FAM118B: variants seen among roughly 807,000 people sequenced by gnomAD.
The protein encoded by FAM118B is protein FAM118B.
In FAM118B, 24 loss-of-function variants were observed where a neutral mutation model predicts 38.5. That is an observed-to-expected ratio of 0.62 (90% CI 0.45 to 0.88). FAM118B has a LOEUF of 0.88. Ranked by LOEUF, FAM118B falls within the 40% of genes least tolerant of loss-of-function variation. The pLI, the probability that FAM118B is intolerant of heterozygous loss-of-function variation, is 0.00. For missense variants in FAM118B, 334 were observed against 420.0 expected (o/e 0.80, Z 1.79); for synonymous variants, 138 against 156.3 (o/e 0.88, Z 0.87).
chr11:126,256,986 C>G lies in FAM118B; in HGVS notation c.982+134C>G, dbSNP rs577322796. 10 of 890,110 alleles carry G rather than the reference C, an allele frequency of 1.1e-5. No individual in the cohort carries two copies. Among genetic ancestry groups the G allele is most frequent in the Non-Finnish European group, 1.7e-5 (10 of 580,868 alleles). 55.1% of individuals were successfully genotyped at this position (890,110 alleles called of 1,614,324 possible). ...ACTGACCAAATTGTAAAGGAGGCCA[C>G]AGTCTTCAGGTTAGACTAAAGTGCC... On this transcript the variant is annotated intron_variant, in intron 7 of 8. Transcript: ENST00000533050. This position sits in a 1 kb window ranked among gnomAD's most constrained non-coding sequence, Gnocchi z 6.6.
intron 1 of FAM118B, among the ~76,000 whole-genome samples, chr11:126,216,145 G>A (rs188341501): frequency 6.6e-6 from 1 of 152,314 alleles, no homozygotes; most frequent in Admixed American, 6.5e-5. Flanking sequence ...GGAGGCTGAG[G>A]CAGGTGGATT....
intron 2 of FAM118B, among the ~76,000 whole-genome samples, chr11:126,230,496 A>C (rs1011655646): frequency 6.6e-6 from 1 of 152,222 alleles, no homozygotes; most frequent in Non-Finnish European, 1.5e-5. Flanking sequence ...ACCATTCTTT[A>C]TTCCAGTCAC....
Position 126,252,968 on chromosome 11 carries a change from G to A in FAM118B, c.568-1337G>A, listed in dbSNP as rs1950525875. Among the ~76,000 whole-genome samples the A allele has an allele frequency of 6.6e-6, 1 of 152,200 alleles. No homozygotes were observed. Among genetic ancestry groups the A allele is most frequent in the South Asian group, 2.1e-4 (1 of 4,828 alleles). The stretch of plus-strand genomic sequence containing the variant: ...GAGAATCATTTGAACCCAGGAGGCA[G>A]AGGTTTCAGTGAGCCAAGATTGCGC... On this transcript the variant is annotated intron_variant, in intron 5 of 8. Coordinates refer to ENST00000533050, the MANE Select transcript of FAM118B (RefSeq NM_024556.4). The surrounding 1 kb of genome is among the most constrained non-coding windows in gnomAD (Gnocchi z 4.7).
chr11:126,250,177 C>T lies in FAM118B; in HGVS notation c.340-329C>T, dbSNP rs183249590. On this transcript the variant is annotated intron_variant, in intron 4 of 8. Coordinates refer to ENST00000533050, the MANE Select transcript of FAM118B (RefSeq NM_024556.4). This position sits in a 1 kb window ranked among gnomAD's most constrained non-coding sequence, Gnocchi z 5.1. ...CGCGATCTCGGCTCACTGCAAGCTCCGCCTCCTGGGTTCACACCATTCTCC... is the reference window on the plus strand; with the variant it reads ...CGCGATCTCGGCTCACTGCAAGCTCTGCCTCCTGGGTTCACACCATTCTCC... Among the ~76,000 whole-genome samples, 683 of 151,708 alleles carry T rather than the reference C, an allele frequency of 4.5e-3. 2 individuals carry two copies. Among genetic ancestry groups the T allele is most frequent in the Non-Finnish European group, 7.1e-3 (483 of 67,946 alleles).
rs548453102 is a variant in FAM118B, at chr11:126,236,873, G to A, written c.86+1786G>A. ...TATTTTTGATTTATGAAGTCTTTTTGTTTGTTCATTTTTTCATAGCACTCT... is the reference window on the plus strand; with the variant it reads ...TATTTTTGATTTATGAAGTCTTTTTATTTGTTCATTTTTTCATAGCACTCT... On this transcript the variant is annotated intron_variant, in intron 3 of 8. Transcript: ENST00000533050. Among the ~76,000 whole-genome samples, 6 of 107,230 alleles carry A rather than the reference G, an allele frequency of 5.6e-5. No individual in the cohort carries two copies. In the South Asian group the frequency reaches 1.8e-3, roughly 32 times the overall value. The allele number at this position is 107,230 out of a possible 152,430, so 70.3% of individuals were successfully genotyped here.
Position 126,262,336 on chromosome 11 carries a change from AG to A in FAM118B, c.*204del. 2.2e-6 allele frequency: 1 copy of A among 450,126 alleles called. No homozygotes were observed. Among genetic ancestry groups the A allele is most frequent in the Non-Finnish European group, 4.1e-6 (1 of 244,770 alleles). The allele number at this position is 450,126 out of a possible 1,614,324, so 27.9% of individuals were successfully genotyped here. A position where few individuals can be genotyped will look rare whatever the true frequency, so the allele number is the denominator to read the frequency against. ...TTCTTGATATTCTGCCGCCTGTTCA[AG>A]TTCAAGAATAAAAGCGACAGCAGGA... On this transcript the variant is annotated 3_prime_UTR_variant, in exon 9 of 9. Coordinates refer to ENST00000533050, the MANE Select transcript of FAM118B (RefSeq NM_024556.4).
intron 3 of FAM118B, among the ~76,000 whole-genome samples, chr11:126,240,275 CT>C (rs199839025): frequency 2.6e-3 from 357 of 136,084 alleles, no homozygotes; most frequent in African/African-American, 2.9e-3. Context: ...CTTTTTTTTT[CT>C]TTTTTTTTTT....
intron 4 of FAM118B, among the ~76,000 whole-genome samples, chr11:126,245,773 G>A (rs1950411542): frequency 1.3e-5 from 2 of 152,108 alleles, no homozygotes; most frequent in South Asian, 4.1e-4. Flanking sequence ...AAGGCAGGCG[G>A]ATCACCTGAG....
chr11:126,235,429 G>A (rs1950259954), intron 3 of FAM118B, among the ~76,000 whole-genome samples: 1 of 152,008 alleles, frequency 6.6e-6, no homozygotes, highest in Non-Finnish European at 1.5e-5. Flanking sequence ...GGAATATAAG[G>A]ACTGCTTTGC....
intron 3 of FAM118B, among the ~76,000 whole-genome samples, chr11:126,237,672 G>T: frequency 1.1e-5 from 1 of 88,650 alleles, no homozygotes; most frequent in Admixed American, 1.5e-4. Context: ...GTGAAACCCT[G>T]TCTCTACTAA....
chr11:126,238,728 C>G (rs1950314251), intron 3 of FAM118B, among the ~76,000 whole-genome samples: 1 of 152,132 alleles, frequency 6.6e-6, no homozygotes, highest in African/African-American at 2.4e-5. Flanking sequence ...ATTTTAGCCC[C>G]ACCAGCCCCT....
intron 1 of FAM118B, among the ~76,000 whole-genome samples, chr11:126,215,752 T>A (rs551837746): frequency 6.9e-6 from 1 of 145,402 alleles, no homozygotes; most frequent in Non-Finnish European, 1.5e-5. Context: ...GGCTCACACC[T>A]TAATCCCAGC....
rs374819671 is a variant in FAM118B at position 126,244,790 on chromosome 11, C to T, written c.339+3746C>T. Among the ~76,000 whole-genome samples, 110 of 151,222 alleles carry T rather than the reference C, an allele frequency of 7.3e-4. No homozygotes were observed. The highest frequency in any genetic ancestry group is 2.5e-3 in the African/African-American group (104 of 41,202). ...TGCACTCCAGCCTGGGCAACAAGAG[C>T]GAAACTCCATCTCAAAAAATAAATA... On this transcript the variant is annotated intron_variant, in intron 4 of 8. Transcript: ENST00000533050. This position sits in a 1 kb window ranked among gnomAD's most constrained non-coding sequence, Gnocchi z 4.5.
intron 1 of FAM118B, among the ~76,000 whole-genome samples, chr11:126,215,834 C>A (rs1490243585): frequency 6.6e-6 from 1 of 151,630 alleles, no homozygotes; most frequent in Non-Finnish European, 1.5e-5. Context: ...CATAGCAAGA[C>A]CTCGTCTCTA....
intron 1 of FAM118B, among the ~76,000 whole-genome samples, chr11:126,220,724 C>T (rs1213643456): frequency 6.6e-6 from 1 of 152,078 alleles, no homozygotes; most frequent in East Asian, 1.9e-4. Flanking sequence ...ACTGATGCTA[C>T]CTGCTTGGCA....
chr11:126,236,319 T>TA (rs1950274158), intron 3 of FAM118B, among the ~76,000 whole-genome samples: 2 of 152,346 alleles, frequency 1.3e-5, no homozygotes, highest in South Asian at 2.1e-4. Context: ...ATCATACACT[T>TA]ACATTCATTT....
intron 6 of FAM118B, among the ~76,000 whole-genome samples, chr11:126,254,773 C>G (rs1950550908): frequency 6.6e-6 from 1 of 152,172 alleles, no homozygotes; most frequent in Non-Finnish European, 1.5e-5. Flanking sequence ...CTGTAGTGAG[C>G]TGTGTCTAGA....
intron 8 of FAM118B, 135 bp downstream of exon 8, chr11:126,261,619 C>T (rs1447686042): frequency 1.5e-6 from 1 of 650,744 alleles, no homozygotes; most frequent in African/African-American, 1.8e-5. Context: ...GAATGATTTT[C>T]CTCTCCTACC....
chr11:126,222,658 T>C (rs1241602701), intron 1 of FAM118B, among the ~76,000 whole-genome samples: 1 of 152,212 alleles, frequency 6.6e-6, no homozygotes, highest in African/African-American at 2.4e-5. Flanking sequence ...TTTGTTTGGA[T>C]GAGAGAAAAT....
Sources: allele counts gnomAD v4.1 joint callset (sites outside exome capture counted in the v4.1 genomes callset), GRCh38; gene constraint gnomAD v4.1.1; non-coding constraint Gnocchi (gnomAD v3.1); transcripts MANE v1.5; gene names NCBI Gene and HGNC (gene_info 2026-07-23, HGNC 2026-07-21).